The following KHDRBS2 variants were observed in gnomAD, a reference collection of about 807,000 sequenced individuals.
KHDRBS2 encodes the protein KH RNA binding domain containing, signal transduction associated 2.
KHDRBS2 carries 26 observed loss-of-function variants against 44.3 expected under a neutral mutation model. That is an observed-to-expected ratio of 0.59 (90% confidence interval 0.43 to 0.81). The LOEUF (loss-of-function observed/expected upper bound fraction) is 0.81. Among genes scored for constraint, KHDRBS2 ranks in the 40% least tolerant of loss-of-function variants. The probability of loss-of-function intolerance (pLI) is 0.00; values close to 1 mark genes in which losing one functional copy is unlikely to be tolerated. For synonymous variants in KHDRBS2, 194 were observed against 151.1 expected (o/e 1.28, Z -2.08); for missense variants, 476 against 433.1 (o/e 1.10, Z -0.88).
chr6:62,155,763 C>T (rs985249135), intron 2 of KHDRBS2, among the ~76,000 whole-genome samples: 1 of 152,166 alleles, frequency 6.6e-6, no homozygotes, highest in Non-Finnish European at 1.5e-5. Flanking sequence ...ATTCCCATAT[C>T]CGTTTTCCAC....
chr6:61,717,592 CTT>C (rs1344332009), intron 7 of KHDRBS2, among the ~76,000 whole-genome samples: 1 of 152,022 alleles, frequency 6.6e-6, no homozygotes, highest in Non-Finnish European at 1.5e-5. Flanking sequence ...GGGCGAGTGA[CTT>C]TATAGTGAAT....
At chr6:62,160,463 G>C (rs1817385940) in intron 2 of KHDRBS2, among the ~76,000 whole-genome samples, 12 of 152,098 alleles carry the variant, frequency 7.9e-5, no homozygotes, top group Admixed American at 7.9e-4. Flanking sequence ...TGCACAAAAT[G>C]AATAAACAAG....
chr6:62,239,614 GC>G (rs1834261350), intron 1 of KHDRBS2, among the ~76,000 whole-genome samples: 1 of 151,796 alleles, frequency 6.6e-6, no homozygotes, highest in Non-Finnish European at 1.5e-5. Context: ...GTACAAGTGT[GC>G]TTTTGGGGGG....
chr6:62,027,255 A>T (rs571702330), intron 3 of KHDRBS2, among the ~76,000 whole-genome samples: 9 of 152,056 alleles, frequency 5.9e-5, no homozygotes, highest in Non-Finnish European at 1.3e-4. Flanking sequence ...CATAGCAAAA[A>T]ATGTAACCTT....
At chr6:61,779,119 T>C (rs1782544586) in intron 6 of KHDRBS2, among the ~76,000 whole-genome samples, 1 of 152,206 alleles carries the variant, frequency 6.6e-6, no homozygotes. Context: ...CATCATGCCA[T>C]ACATTAACAA....
intron 1 of KHDRBS2, among the ~76,000 whole-genome samples, chr6:62,269,687 A>C (rs75493551): frequency 0.018 from 2,705 of 152,192 alleles, 85 homozygotes; most frequent in African/African-American, 0.061. Context: ...AATTCCATAT[A>C]TTATAATAAA....
chr6:61,636,604 A>G, the KHDRBS2 span, among the ~76,000 whole-genome samples: 1 of 152,116 alleles, frequency 6.6e-6, no homozygotes, highest in Non-Finnish European at 1.5e-5. Context: ...GGTTGTCACA[A>G]CTGGGCAGAT....
At chr6:61,782,783 G>A (rs982956464) in intron 6 of KHDRBS2, among the ~76,000 whole-genome samples, 36 of 147,242 alleles carry the variant, frequency 2.4e-4, no homozygotes, top group African/African-American at 8.7e-4. Context: ...GTCTGTATGT[G>A]TATATATGGT....
chr6:61,993,483 A>G (rs1034577773), intron 3 of KHDRBS2, among the ~76,000 whole-genome samples: 3 of 151,526 alleles, frequency 2.0e-5, no homozygotes, highest in Non-Finnish European at 2.9e-5. Context: ...GAGTCTGCAA[A>G]GTTTTAATCC....
chr6:62,092,141 C>T (rs1584641924), intron 2 of KHDRBS2, among the ~76,000 whole-genome samples: 1 of 151,440 alleles, frequency 6.6e-6, no homozygotes, highest in Non-Finnish European at 1.5e-5. Flanking sequence ...ATCTTCTGCT[C>T]AGCTTCCACC....
chr6:61,717,472 T>C (rs1771646834), intron 7 of KHDRBS2, among the ~76,000 whole-genome samples: 1 of 152,060 alleles, frequency 6.6e-6, no homozygotes, highest in Admixed American at 6.6e-5. Context: ...AACATACAAT[T>C]AAATTGTAGA....
chr6:61,842,719 C>A (rs897352775), intron 6 of KHDRBS2, among the ~76,000 whole-genome samples: 1 of 152,090 alleles, frequency 6.6e-6, no homozygotes, highest in Non-Finnish European at 1.5e-5. Context: ...CACTCCTAGG[C>A]ATATACCTAG....
intron 6 of KHDRBS2, among the ~76,000 whole-genome samples, chr6:61,744,918 G>A (rs187961428): frequency 7.2e-5 from 11 of 152,136 alleles, no homozygotes; most frequent in Admixed American, 3.9e-4. Flanking sequence ...ATTTACTACC[G>A]AAACTTTCAA....
At chr6:61,561,700 C>T in the KHDRBS2 span, among the ~76,000 whole-genome samples, 3,712 of 152,206 alleles carry the variant, frequency 0.024, 69 homozygotes, top group Middle Eastern at 0.085. Flanking sequence ...CTTCGGTCAG[C>T]TTGTGGTGAA....
At chr6:62,206,178 A>G (rs1391264618) in intron 1 of KHDRBS2, among the ~76,000 whole-genome samples, 1 of 152,050 alleles carries the variant, frequency 6.6e-6, no homozygotes, top group Non-Finnish European at 1.5e-5. Flanking sequence ...TATCCATTTA[A>G]TTTTCAAAAC....
intron 7 of KHDRBS2, among the ~76,000 whole-genome samples, chr6:61,708,868 T>A (rs900177568): frequency 6.6e-6 from 1 of 151,642 alleles, no homozygotes; most frequent in African/African-American, 2.4e-5. Flanking sequence ...TAGCGAAGTC[T>A]CCATTCTGGG....
chr6:61,545,758 G>A, the KHDRBS2 span, among the ~76,000 whole-genome samples: 1 of 151,974 alleles, frequency 6.6e-6, no homozygotes, highest in South Asian at 2.1e-4. Context: ...AGTCTCTAAG[G>A]AAGTAATTAA....
At chr6:61,712,467 T>C (rs1446064730) in intron 7 of KHDRBS2, among the ~76,000 whole-genome samples, 2 of 151,778 alleles carry the variant, frequency 1.3e-5, no homozygotes, top group African/African-American at 4.8e-5. Context: ...AGGAGGTAGG[T>C]GTTGTTTCAG....
chr6:62,096,066 C>G (rs1172888139), intron 2 of KHDRBS2, among the ~76,000 whole-genome samples: 1 of 151,856 alleles, frequency 6.6e-6, no homozygotes. Context: ...TGGGATGAAT[C>G]CCATTTGATC....
Sources: gnomAD v4.1 joint callset for allele counts (sites outside exome capture counted in the v4.1 genomes callset) on GRCh38, gnomAD v4.1.1 for gene constraint, MANE v1.5 for transcripts, NCBI Gene and HGNC (gene_info 2026-07-23, HGNC 2026-07-21) for gene names.